CNTNAP2: variants seen among roughly 807,000 people sequenced by gnomAD.
CNTNAP2 encodes contactin associated protein 2, also known as contactin-associated protein-like 2.
Under a neutral mutation model 155.2 loss-of-function variants are expected in CNTNAP2, and 98 were observed. That is an observed-to-expected ratio of 0.63 (90% CI 0.54 to 0.75). The LOEUF (loss-of-function observed/expected upper bound fraction) is 0.75, where lower values mean the gene tolerates loss of function less well. CNTNAP2 is among the 30% of genes least tolerant of loss of function. The pLI is 0.00. For synonymous variants in CNTNAP2, 651 were observed against 631.2 expected, an observed-to-expected ratio of 1.03 and a Z score of -0.47; for missense variants, 1,727 against 1,688.1, an observed-to-expected ratio of 1.02 and a Z score of -0.40.
chr7:146,804,818 C>T (rs1802939438), intron 2 of CNTNAP2, among the ~76,000 whole-genome samples: 2 of 152,180 alleles, frequency 1.3e-5, no homozygotes, highest in South Asian at 2.1e-4. Context: ...AAGCCCCAGT[C>T]TCAATGATGT....
intron 13 of CNTNAP2, among the ~76,000 whole-genome samples, chr7:147,717,077 C>T (rs1796490746): frequency 6.6e-6 from 1 of 151,926 alleles, no homozygotes; most frequent in Admixed American, 6.6e-5. Flanking sequence ...TGGAGCTTAT[C>T]ACCAAAATCT....
At chr7:146,690,696 T>C (rs1460220504) in intron 1 of CNTNAP2, among the ~76,000 whole-genome samples, 4 of 152,280 alleles carry the variant, frequency 2.6e-5, no homozygotes, top group Middle Eastern at 6.8e-3. Flanking sequence ...AAGGTAATAT[T>C]TCCTATGTTT....
intron 9 of CNTNAP2, among the ~76,000 whole-genome samples, chr7:147,360,714 A>T (rs759817070): frequency 4.2e-4 from 64 of 152,032 alleles, no homozygotes; most frequent in Non-Finnish European, 2.8e-4. Context: ...CTATGTGTTC[A>T]TGGATATTTA....
intron 13 of CNTNAP2, among the ~76,000 whole-genome samples, chr7:147,667,538 T>A (rs1457084520): frequency 6.6e-6 from 1 of 152,136 alleles, no homozygotes; most frequent in Non-Finnish European, 1.5e-5. Context: ...ATGACCCAGC[T>A]CCTTTCCAAG....
intron 15 of CNTNAP2, among the ~76,000 whole-genome samples, chr7:148,005,218 C>T (rs1801953849): frequency 6.6e-6 from 1 of 152,168 alleles, no homozygotes; most frequent in African/African-American, 2.4e-5. Flanking sequence ...GCCAACTTCT[C>T]CTTATATCCT....
rs1251619160 is a variant in CNTNAP2 at position 147,885,876 on chromosome 7, T to C, written c.2099-17689T>C. On this transcript the variant is annotated intron_variant, in intron 13 of 23. Coordinates refer to ENST00000361727, the MANE Select transcript of CNTNAP2 (RefSeq NM_014141.6). Reference sequence around the variant, plus strand: ...AGCACATAAAGTAACTGCAACACAATACATGAATCAGAGGAAGAAATGCAA... The same window carrying C: ...AGCACATAAAGTAACTGCAACACAACACATGAATCAGAGGAAGAAATGCAA... 2.6e-5 allele frequency among the ~76,000 whole-genome samples: 4 copies of C among 152,104 alleles called. No homozygotes were observed. In the South Asian group the frequency reaches 6.2e-4, roughly 24 times the overall value.
chr7:147,096,969 T>C (rs1474319510), intron 4 of CNTNAP2, among the ~76,000 whole-genome samples: 1 of 152,130 alleles, frequency 6.6e-6, no homozygotes, highest in Non-Finnish European at 1.5e-5. Flanking sequence ...TGAGCTTTAC[T>C]AAGCCTATTT....
At chr7:148,146,114 T>A (rs1191634365) in intron 16 of CNTNAP2, among the ~76,000 whole-genome samples, 1 of 152,144 alleles carries the variant, frequency 6.6e-6, no homozygotes, top group African/African-American at 2.4e-5. Context: ...GCTTGTGACA[T>A]CGTCTTAAAA....
intron 21 of CNTNAP2, among the ~76,000 whole-genome samples, chr7:148,281,093 C>T (rs969468964): frequency 2.0e-5 from 3 of 152,072 alleles, no homozygotes; most frequent in Non-Finnish European, 4.4e-5. Flanking sequence ...GATTAAGCCA[C>T]CGGTTCTACC....
At chr7:146,337,563 A>G (rs1049899271) in intron 1 of CNTNAP2, among the ~76,000 whole-genome samples, 1 of 152,146 alleles carries the variant, frequency 6.6e-6, no homozygotes, top group Non-Finnish European at 1.5e-5. Context: ...GGCTCATGTG[A>G]TACTCCAACC....
chr7:147,669,709 CA>C (rs1795755272), intron 13 of CNTNAP2, among the ~76,000 whole-genome samples: 1 of 152,134 alleles, frequency 6.6e-6, no homozygotes, highest in Non-Finnish European at 1.5e-5. Flanking sequence ...TGCTCAATTC[CA>C]CTCTTCTTTT....
chr7:147,329,236 T>C (rs1408249361), intron 9 of CNTNAP2, among the ~76,000 whole-genome samples: 2 of 152,010 alleles, frequency 1.3e-5, no homozygotes, highest in African/African-American at 4.8e-5. Flanking sequence ...TCTGAGTTCA[T>C]TGAGGTGAAG....
intron 13 of CNTNAP2, among the ~76,000 whole-genome samples, chr7:147,857,715 C>T (rs10246256): frequency 0.71 from 107,210 of 152,054 alleles, 38,039 homozygotes; most frequent in Middle Eastern, 0.8. Context: ...CCATTTACCA[C>T]TTAGAAGCTA....
At chr7:146,893,923 G>A (rs1263358120) in intron 3 of CNTNAP2, among the ~76,000 whole-genome samples, 1 of 152,124 alleles carries the variant, frequency 6.6e-6, no homozygotes. Flanking sequence ...GGTACAAACC[G>A]AGCTATGTAA....
chr7:147,977,767 G>A (rs1260349518), intron 14 of CNTNAP2, 95 bp from the exon 15 acceptor site: 1 of 1,537,786 alleles, frequency 6.5e-7, no homozygotes, highest in South Asian at 1.1e-5. Flanking sequence ...AACGATTACT[G>A]AAATGTCATC....
chr7:147,772,682 G>A (rs1255183767), intron 13 of CNTNAP2, among the ~76,000 whole-genome samples: 1 of 151,396 alleles, frequency 6.6e-6, no homozygotes, highest in Non-Finnish European at 1.5e-5. Context: ...CTTCTCCATT[G>A]TCACCTTCCT....
intron 17 of CNTNAP2, among the ~76,000 whole-genome samples, chr7:148,148,625 C>T (rs903810620): frequency 6.6e-6 from 1 of 152,232 alleles, no homozygotes; most frequent in Non-Finnish European, 1.5e-5. Flanking sequence ...TTGGGCTCCA[C>T]CCTACGTTAC....
In CNTNAP2 at chr7:146,207,087, G is replaced by A. The variant is rs571218070; in HGVS notation, c.97+90114G>A. ...AGCTGTATGATTACTGCTTGACCAA[G>A]TGCCTTTGACAAAATCTATCTAAAA... On this transcript the variant is annotated intron_variant, in intron 1 of 23. Transcript: ENST00000361727. Among the ~76,000 whole-genome samples the A allele has an allele frequency of 1.3e-4, 19 of 151,948 alleles. No individual in the cohort carries two copies. The South Asian group carries it at 3.1e-3, about 25-fold the overall frequency.
At chr7:147,899,616 G>T (rs1799829915) in intron 13 of CNTNAP2, among the ~76,000 whole-genome samples, 1 of 152,028 alleles carries the variant, frequency 6.6e-6, no homozygotes, top group Admixed American at 6.6e-5. Flanking sequence ...CAGACGGGTT[G>T]GCTCCCACCT....
Sources: gnomAD v4.1 joint callset for allele counts (sites outside exome capture counted in the v4.1 genomes callset) on GRCh38, gnomAD v4.1.1 for gene constraint, MANE v1.5 for transcripts, NCBI Gene and HGNC (gene_info 2026-07-23, HGNC 2026-07-21) for gene names.